Variants in POLR3E observed in about 807,000 individuals in gnomAD.
POLR3E encodes DNA-directed RNA polymerase III subunit RPC5.
POLR3E carries 41 observed loss-of-function variants against 96.6 expected under a neutral mutation model. The ratio of observed to expected loss-of-function variants is 0.42; its 90% CI spans 0.33 to 0.55. POLR3E has a LOEUF of 0.55. Among genes scored for constraint, POLR3E ranks in the 20% least tolerant of loss-of-function variants. The pLI is 0.06. For synonymous variants in POLR3E, 396 were observed against 383.6 expected (o/e 1.03, Z -0.38); for missense variants, 849 against 952.1 (o/e 0.89, Z 1.43).
rs568205968 is a variant in POLR3E at position 22,331,774 on chromosome 16, GTC to G, written c.1945-282_1945-281del. ...ATGTTCAAGCCACTCATCCTCTCAT[GTC>G]TCTTCACCAGTTCTTTTGTTATGCT... On this transcript the variant is annotated intron_variant, in intron 19 of 20. Coordinates refer to ENST00000299853, the MANE Select transcript of POLR3E (RefSeq NM_018119.4). 13 of 263,882 alleles carry G rather than the reference GTC, an allele frequency of 4.9e-5. No individual in the cohort carries two copies. The East Asian group carries it at 1.1e-3, about 22-fold the overall frequency. 16.3% of individuals were successfully genotyped at this position (263,882 alleles called of 1,614,324 possible).
intron 13 of POLR3E, among the ~76,000 whole-genome samples, 160 bp downstream of exon 13, chr16:22,319,106 C>T (rs1402700654): frequency 6.6e-6 from 1 of 152,102 alleles, no homozygotes; most frequent in East Asian, 1.9e-4. Flanking sequence ...TCCTGAGTAG[C>T]TGGGATTATA....
intron 1 of POLR3E, chr16:22,299,151 C>T: frequency 2.4e-6 from 1 of 416,194 alleles, no homozygotes; most frequent in South Asian, 1.7e-5. Context: ...CTATCCTCTC[C>T]TGCAGGCGGT....
Position 22,319,467 on chromosome 16 carries a change from C to T in POLR3E, c.986+521C>T, listed in dbSNP as rs954154467. On this transcript the variant is annotated intron_variant, in intron 13 of 20. Transcript: ENST00000299853. ...AGGCTGGAGTGCAGTGGTGCGATCT[C>T]GGCTCACTGCAAGCTCTGCCTGCCG... Among the ~76,000 whole-genome samples, 7 of 151,504 alleles carry T rather than the reference C, an allele frequency of 4.6e-5. No individual in the cohort carries two copies. In the East Asian group the frequency reaches 7.8e-4, roughly 17 times the overall value.
At chr16:22,315,909 C>T (rs943045100) in intron 9 of POLR3E, among the ~76,000 whole-genome samples, 3 of 152,126 alleles carry the variant, frequency 2.0e-5, no homozygotes, top group Non-Finnish European at 4.4e-5. Flanking sequence ...TCCAAGTGAT[C>T]TGCCCACCTC....
chr16:22,333,866 A>C lies in POLR3E; in HGVS notation c.*166A>C. The C allele has an allele frequency of 1.7e-6, 1 of 575,408 alleles. No homozygotes were observed. The allele number at this position is 575,408 out of a possible 1,614,324, so 35.6% of individuals were successfully genotyped here. ...TGGACAGAAGGGATTATCCTCAGCCAGTCGCAGGGTCAGCTTAAGTTAGTT... is the reference window on the plus strand; with the variant it reads ...TGGACAGAAGGGATTATCCTCAGCCCGTCGCAGGGTCAGCTTAAGTTAGTT... On this transcript the variant is annotated 3_prime_UTR_variant, in exon 21 of 21. Transcript: ENST00000299853.
At position 22,309,474 on chromosome 16, in the gene POLR3E, A is replaced by G. The variant is rs2141750751; in HGVS notation, c.328A>G (p.Asn110Asp). 3.1e-6 allele frequency: 5 copies of G among 1,613,934 alleles called. No homozygotes were observed. In the East Asian group the frequency reaches 8.9e-5, roughly 29 times the overall value. ...QTFCSSQTTS[N>D]TSRYAAALYR... ...CTTCTGCTCTTCCCAGACCACCAGT[A>G]ACACATCCCGTTATGCCGCTGCACT... Residue 110 changes from asparagine to aspartate, a missense_variant, in exon 6 of 21, where the codon AAC (asparagine) becomes GAC (aspartate). Asn to Asp is a conservative substitution (Grantham distance 23, BLOSUM62 1). Coordinates refer to ENST00000299853, the MANE Select transcript of POLR3E (RefSeq NM_018119.4).
At chr16:22,315,341 T>C in intron 9 of POLR3E, 133 bp downstream of exon 9, 1 of 991,632 alleles carries the variant, frequency 1.0e-6, no homozygotes, top group Non-Finnish European at 1.5e-6. Flanking sequence ...TCGAGTCCTG[T>C]GGGCAGTTTA....
intron 20 of POLR3E, 55 bp from the exon 21 acceptor site, chr16:22,333,589 G>A (rs1567336577): frequency 1.7e-6 from 2 of 1,169,964 alleles, no homozygotes; most frequent in Non-Finnish European, 2.6e-6. Flanking sequence ...TGGACAGAAT[G>A]TAATTAGCTC....
chr16:22,315,326 G>C (rs1237170396), intron 9 of POLR3E, 118 bp downstream of exon 9: 4 of 1,111,160 alleles, frequency 3.6e-6, no homozygotes, highest in African/African-American at 3.1e-5. Flanking sequence ...GCCACAGATA[G>C]AGGATCGAGT....
rs1567327601 is a variant in POLR3E, at chr16:22,325,233, G to A, written c.1315G>A (p.Glu439Lys). Residue 439 changes from glutamate (E) to lysine (K), a missense_variant, in exon 17 of 21, where the codon GAA (glutamate) becomes AAA (lysine). By Grantham distance (56) the Glu-to-Lys change is moderately conservative. Transcript: ENST00000299853. ...GGAAAAAGTCTATAATCTTGTAAAG[G>A]AAACCATGCCAAAGAAGCCGGATGC... is the stretch of plus-strand genomic sequence containing the variant. ...KLEKVYNLVK[E>K]TMPKKPDAQS... The A allele has an allele frequency of 6.2e-7, 1 of 1,613,932 alleles. No homozygotes were observed.
rs117298503 is a variant in POLR3E at position 22,299,926 on chromosome 16, G to T, written c.-39+2389G>T. ...GGGGGCGCCTCACTATGTTGCTCAG[G>T]CTGGTCTCGAACTCCTGGTCTCAAG... On this transcript the variant is annotated intron_variant, in intron 1 of 20. Transcript: ENST00000299853. 7.6e-3 allele frequency among the ~76,000 whole-genome samples: 1,160 copies of T among 152,126 alleles called. 5 individuals carry two copies. Among genetic ancestry groups the T allele is most frequent in the Non-Finnish European group, 0.013 (880 of 67,988 alleles).
chr16:22,328,372 A>G, intron 18 of POLR3E, 138 bp from the exon 19 acceptor site: 2 of 714,692 alleles, frequency 2.8e-6, no homozygotes, highest in Admixed American at 2.1e-5. Context: ...CAAGGCCCTC[A>G]GAGATGGTGA....
intron 8 of POLR3E, 140 bp downstream of exon 8, chr16:22,314,268 G>A: frequency 1.5e-6 from 1 of 686,798 alleles, no homozygotes; most frequent in Non-Finnish European, 2.6e-6. Flanking sequence ...GCTACCTGGA[G>A]GGAACAACCT....
rs56100056 is a variant in POLR3E at position 22,330,988 on chromosome 16, CTTTTTTTTTTTTT to C, written c.1945-1050_1945-1038del. 8.8e-3 allele frequency among the ~76,000 whole-genome samples: 446 copies of C among 50,740 alleles called. 1 individual carries two copies. The highest frequency in any genetic ancestry group is 0.026 in the South Asian group (19 of 742). The allele number at this position is 50,740 out of a possible 152,430, so 33.3% of individuals were successfully genotyped here. On this transcript the variant is annotated intron_variant, in intron 19 of 20. Coordinates refer to ENST00000299853, the MANE Select transcript of POLR3E (RefSeq NM_018119.4). ...GACAAATAGTGATACATGAAGCATC[CTTTTTTTTTTTTT>C]TTTTTTTTTTTTTTTTTTTTTGAGA...
intron 16 of POLR3E, 83 bp from the exon 17 acceptor site, chr16:22,325,122 G>A: frequency 9.6e-7 from 1 of 1,043,856 alleles, no homozygotes; most frequent in Non-Finnish European, 1.5e-6. Flanking sequence ...GCGTGTCCTG[G>A]GGCCTAAGGG....
At chr16:22,312,897 A>AAAAAAAAC (rs2048277722) in intron 6 of POLR3E, among the ~76,000 whole-genome samples, 1 of 151,352 alleles carries the variant, frequency 6.6e-6, no homozygotes, top group African/African-American at 2.4e-5. Flanking sequence ...AAAAAAAAAA[A>AAAAAAAAC]CAGTAAAGTG....
rs2048176850 is a variant in POLR3E, at chr16:22,308,299, G to A, written c.165+74G>A. ...GGGTGGGAGCTGGTGGAGGCGAGAA[G>A]CTCAGAGAAGGAGTCATTGGAGAAG... On this transcript the variant is annotated intron_variant, in intron 4 of 20. Coordinates refer to ENST00000299853, the MANE Select transcript of POLR3E (RefSeq NM_018119.4). 4.4e-6 allele frequency: 5 copies of A among 1,142,800 alleles called. No individual in the cohort carries two copies. The South Asian group carries it at 6.1e-5, about 14-fold the overall frequency. 70.8% of individuals were successfully genotyped at this position (1,142,800 alleles called of 1,614,324 possible).
rs958643199 is a variant in POLR3E, at chr16:22,318,063, C to T, written c.866-763C>T. ...AGAGAGGGGAGCTCCATGATATGCT[C>T]GGGATTTTAGGCTTCCTTCCTGCAG... On this transcript the variant is annotated intron_variant, in intron 12 of 20. Coordinates refer to ENST00000299853, the MANE Select transcript of POLR3E (RefSeq NM_018119.4). The surrounding 1 kb of genome is among the most constrained non-coding windows in gnomAD (Gnocchi z 5.0). 6.6e-6 allele frequency among the ~76,000 whole-genome samples: 1 copy of T among 151,734 alleles called. No individual in the cohort carries two copies. The highest frequency in any genetic ancestry group is 1.5e-5 in the Non-Finnish European group (1 of 67,974).
At chr16:22,298,259 A>T (rs182615344) in intron 1 of POLR3E, among the ~76,000 whole-genome samples, 1 of 152,316 alleles carries the variant, frequency 6.6e-6, no homozygotes, top group East Asian at 1.9e-4. Flanking sequence ...TGAAATAGAG[A>T]TAATAGAAAT....
Sources: allele counts gnomAD v4.1 joint callset (sites outside exome capture counted in the v4.1 genomes callset), GRCh38; gene constraint gnomAD v4.1.1; non-coding constraint Gnocchi (gnomAD v3.1); transcripts MANE v1.5; gene names NCBI Gene and HGNC (gene_info 2026-07-23, HGNC 2026-07-21).